The following UNC13B variants were observed in gnomAD, a reference collection of about 807,000 sequenced individuals.
UNC13B encodes the protein unc-13 homolog B.
UNC13B carries 144 observed loss-of-function variants against 211.0 expected under a neutral mutation model. That is an observed-to-expected ratio of 0.68 (90% confidence interval 0.60 to 0.78). UNC13B has a LOEUF of 0.78. Ranked by LOEUF, UNC13B falls within the 30% of genes least tolerant of loss-of-function variation. The probability of loss-of-function intolerance (pLI) is 0.00; values close to 1 mark genes in which losing one functional copy is unlikely to be tolerated. For missense variants in UNC13B, 1,777 were observed against 2,002.0 expected (o/e 0.89, Z 2.14); for synonymous variants, 709 against 725.8 (o/e 0.98, Z 0.37).
Position 35,384,244 on chromosome 9 carries a change from A to G in UNC13B, c.10807-2A>G. ...TCCCCTTTATTTGTTTCTCACCCTCAGAAAGAGAGATTTGTAAAACTGCTG... is the reference window on the plus strand; with the variant it reads ...TCCCCTTTATTTGTTTCTCACCCTCGGAAAGAGAGATTTGTAAAACTGCTG... On this transcript the variant is annotated splice_acceptor_variant, in intron 21 of 39. Coordinates refer to ENST00000635942, the MANE Select transcript of UNC13B (RefSeq NM_001371189.2). LOFTEE classifies it high-confidence loss of function. 6.2e-7 allele frequency: 1 copy of G among 1,614,074 alleles called. No homozygotes were observed. Among genetic ancestry groups the G allele is most frequent in the Non-Finnish European group, 8.5e-7 (1 of 1,179,958 alleles).
intron 1 of UNC13B, among the ~76,000 whole-genome samples, chr9:35,185,717 C>T (rs962024850): frequency 1.1e-4 from 16 of 150,930 alleles, no homozygotes; most frequent in South Asian, 8.4e-4. Context: ...GCCAGGAGTT[C>T]GAGACCAGTC....
chr9:35,279,525 T>A (rs1428473561), intron 7 of UNC13B, among the ~76,000 whole-genome samples: 1 of 152,240 alleles, frequency 6.6e-6, no homozygotes, highest in African/African-American at 2.4e-5. Flanking sequence ...AGTATTTGAA[T>A]AGCTGTTTTC....
chr9:35,214,530 AG>A (rs1824151464), intron 1 of UNC13B, among the ~76,000 whole-genome samples: 2 of 152,206 alleles, frequency 1.3e-5, no homozygotes, highest in African/African-American at 4.8e-5. Context: ...AAGTTAAACA[AG>A]TGAAGAGTAT....
chr9:35,310,561 G>A lies in UNC13B; in HGVS notation c.9103G>A (p.Asp3035Asn), dbSNP rs890880528. ...AGACCAGTATCACGAACAAGATGAC[G>A]ACCATCGGGAGACGGACTCGATTCA... ...ELDQYHEQDDDHRETDSIHSC... is the reference protein window; with the variant it reads ...ELDQYHEQDDNHRETDSIHSC... Residue 3035 changes from aspartate (D) to asparagine (N), a missense_variant, in exon 10 of 40, where the codon GAC becomes AAC. Physicochemically the swap from Asp to Asn is conservative, Grantham distance 23. Transcript: ENST00000635942. 5.0e-6 allele frequency: 8 copies of A among 1,613,954 alleles called. No individual in the cohort carries two copies. Among genetic ancestry groups the A allele is most frequent in the South Asian group, 1.1e-5 (1 of 91,062 alleles).
At chr9:35,317,963 C>G (rs893995616) in intron 11 of UNC13B, among the ~76,000 whole-genome samples, 1 of 151,896 alleles carries the variant, frequency 6.6e-6, no homozygotes, top group Admixed American at 6.6e-5. Flanking sequence ...AGTAATTAGC[C>G]TTATCCATGT....
chr9:35,191,938 T>C (rs1333468440), intron 1 of UNC13B, among the ~76,000 whole-genome samples: 1 of 152,260 alleles, frequency 6.6e-6, no homozygotes, highest in East Asian at 1.9e-4. Context: ...GCACACCAGA[T>C]TGGCTACAGT....
rs1836570558 is a variant in UNC13B, at chr9:35,404,776, G to A, written c.*743G>A. The A allele has an allele frequency of 1.3e-5, 2 of 152,562 alleles. No individual in the cohort carries two copies. The highest frequency in any genetic ancestry group is 2.4e-5 in the African/African-American group (1 of 41,408). The allele number at this position is 152,562 out of a possible 1,614,324, so 9.5% of individuals were successfully genotyped here. A position where few individuals can be genotyped will look rare whatever the true frequency, so the allele number is the denominator to read the frequency against. On this transcript the variant is annotated 3_prime_UTR_variant, in exon 40 of 40. Transcript: ENST00000635942. The stretch of plus-strand genomic sequence containing the variant: ...GCCTCACTCCTCTAGGCAGGGGAGT[G>A]ATGCTTCAGGACGTGACAGGCTGTT...
intron 3 of UNC13B, 151 bp from the exon 4 acceptor site, chr9:35,236,318 C>G: frequency 1.6e-6 from 1 of 624,732 alleles, no homozygotes; most frequent in Non-Finnish European, 2.8e-6. Flanking sequence ...TTCTTGGAGC[C>G]TAAAAATGGT....
intron 11 of UNC13B, among the ~76,000 whole-genome samples, chr9:35,335,032 C>T (rs776946952): frequency 4.8e-4 from 73 of 152,112 alleles, no homozygotes; most frequent in South Asian, 1.0e-3. Context: ...AGTGAGACTC[C>T]GTCTCAAAAC....
chr9:35,326,001 A>T (rs1271166462), intron 11 of UNC13B, among the ~76,000 whole-genome samples: 1 of 152,208 alleles, frequency 6.6e-6, no homozygotes, highest in African/African-American at 2.4e-5. Context: ...TAGGAATGGA[A>T]CCGCTAGGTC....
chr9:35,250,082 C>G, intron 6 of UNC13B, among the ~76,000 whole-genome samples: 1 of 151,828 alleles, frequency 6.6e-6, no homozygotes, highest in East Asian at 1.9e-4. Flanking sequence ...TTTTTGCCTT[C>G]TGTTTTTATT....
chr9:35,362,815 A>G (rs908827764), intron 11 of UNC13B, among the ~76,000 whole-genome samples: 67 of 152,166 alleles, frequency 4.4e-4, no homozygotes, highest in African/African-American at 1.3e-3. Flanking sequence ...AAAAAAAAAA[A>G]AAAATCTGCA....
At chr9:35,371,250 A>T (rs1834100827) in intron 13 of UNC13B, among the ~76,000 whole-genome samples, 1 of 151,934 alleles carries the variant, frequency 6.6e-6, no homozygotes, top group South Asian at 2.1e-4. Flanking sequence ...AGTTGACCGA[A>T]TGAAAGTATC....
rs143987160 is a variant in UNC13B, at chr9:35,405,035, C to A, written c.*1002C>A. ...CTGATATTCAACCCTATAGAAGGAG[C>A]CTGGACTCTGATCCCTCTGTACAGG... On this transcript the variant is annotated 3_prime_UTR_variant, in exon 40 of 40. Coordinates refer to ENST00000635942, the MANE Select transcript of UNC13B (RefSeq NM_001371189.2). The A allele has an allele frequency of 2.6e-4, 39 of 152,718 alleles. No individual in the cohort carries two copies. The highest frequency in any genetic ancestry group is 8.2e-4 in the African/African-American group (34 of 41,552). 9.5% of individuals were successfully genotyped at this position (152,718 alleles called of 1,614,324 possible).
At chr9:35,389,543 G>C (rs1835393918) in intron 24 of UNC13B, among the ~76,000 whole-genome samples, 1 of 152,144 alleles carries the variant, frequency 6.6e-6, no homozygotes, top group Non-Finnish European at 1.5e-5. Context: ...TTTAGCCAGC[G>C]AGTTACTCTG....
chr9:35,309,246 T>C (rs1440285925), intron 9 of UNC13B, among the ~76,000 whole-genome samples: 1 of 151,772 alleles, frequency 6.6e-6, no homozygotes, highest in Admixed American at 6.6e-5. Flanking sequence ...TGTGTGTGTG[T>C]GTGTGTGTGT....
At chr9:35,228,148 C>A in intron 2 of UNC13B, 104 bp downstream of exon 2, 2 of 1,022,498 alleles carry the variant, frequency 2.0e-6, no homozygotes, top group Non-Finnish European at 2.8e-6. Flanking sequence ...TAATTTGATT[C>A]ATTACTTCAC....
chr9:35,266,768 T>A (rs1303569487), intron 7 of UNC13B, among the ~76,000 whole-genome samples: 5 of 152,234 alleles, frequency 3.3e-5, no homozygotes, highest in African/African-American at 1.2e-4. Context: ...ATATATTTAT[T>A]TTAAAATGTT....
At chr9:35,377,835 T>C (rs1834533844) in intron 16 of UNC13B, 140 bp downstream of exon 16, 1 of 890,480 alleles carries the variant, frequency 1.1e-6, no homozygotes, top group Admixed American at 2.8e-5. Flanking sequence ...GCCTCTTTAT[T>C]AATCACTTCT....
Sources: gnomAD v4.1 joint callset for allele counts (sites outside exome capture counted in the v4.1 genomes callset) on GRCh38, gnomAD v4.1.1 for gene constraint, MANE v1.5 for transcripts, NCBI Gene and HGNC (gene_info 2026-07-23, HGNC 2026-07-21) for gene names.